ADAMTS16: variants seen among roughly 807,000 people sequenced by gnomAD.
The protein encoded by ADAMTS16 is ADAM metallopeptidase with thrombospondin type 1 motif 16, also known as A disintegrin and metalloproteinase with thrombospondin motifs 16.
Under a neutral mutation model 145.8 loss-of-function variants are expected in ADAMTS16, and 94 were observed. That is an observed-to-expected ratio of 0.64 (90% CI 0.55 to 0.77). The LOEUF (loss-of-function observed/expected upper bound fraction) is 0.77. ADAMTS16 is among the 30% of genes least tolerant of loss of function. The pLI is 0.00. For synonymous variants in ADAMTS16, 659 were observed against 604.3 expected, an observed-to-expected ratio of 1.09 and a Z score of -1.33; for missense variants, 1,585 against 1,591.5, an observed-to-expected ratio of 1.00 and a Z score of 0.07.
intron 18 of ADAMTS16, among the ~76,000 whole-genome samples, chr5:5,295,650 A>G (rs1422751881): frequency 1.3e-5 from 2 of 152,214 alleles, no homozygotes; most frequent in African/African-American, 4.8e-5. Flanking sequence ...AAGAGTTTCT[A>G]ACAAGGCTGG....
At chr5:5,159,391 ACT>A (rs1734685341) in intron 3 of ADAMTS16, among the ~76,000 whole-genome samples, 1 of 152,208 alleles carries the variant, frequency 6.6e-6, no homozygotes, top group South Asian at 2.1e-4. Flanking sequence ...CACAATTAAC[ACT>A]GTGGCCTCCT....
At chr5:5,184,019 C>T (rs1235942586) in intron 4 of ADAMTS16, among the ~76,000 whole-genome samples, 2 of 152,154 alleles carry the variant, frequency 1.3e-5, no homozygotes, top group African/African-American at 4.8e-5. Context: ...TATTTCCGTC[C>T]CCCCTGGGGT....
At chr5:5,178,342 C>A (rs950235033) in intron 3 of ADAMTS16, among the ~76,000 whole-genome samples, 2 of 152,206 alleles carry the variant, frequency 1.3e-5, no homozygotes, top group African/African-American at 4.8e-5. Context: ...TAATAATCCA[C>A]CCGCCTGACA....
intron 3 of ADAMTS16, among the ~76,000 whole-genome samples, chr5:5,162,429 T>C (rs957783707): frequency 6.6e-6 from 1 of 152,176 alleles, no homozygotes; most frequent in African/African-American, 2.4e-5. Flanking sequence ...AGGCTGAGCA[T>C]TTGACCAGGC....
chr5:5,239,636 C>A (rs1216994710), intron 15 of ADAMTS16, 45 bp from the exon 16 acceptor site: 2 of 1,603,348 alleles, frequency 1.2e-6, no homozygotes, highest in South Asian at 1.1e-5. Context: ...TTTGCCCCTG[C>A]TTTCTGGAAT....
intron 17 of ADAMTS16, among the ~76,000 whole-genome samples, chr5:5,246,375 A>T (rs968609383): frequency 2.0e-5 from 3 of 152,150 alleles, no homozygotes; most frequent in African/African-American, 7.2e-5. Context: ...ATCCTCTCTT[A>T]CATTTTTTTC....
intron 2 of ADAMTS16, among the ~76,000 whole-genome samples, chr5:5,143,380 C>G (rs270191): frequency 0.45 from 68,299 of 152,010 alleles, 15,822 homozygotes; most frequent in Admixed American, 0.57. Flanking sequence ...ATGAAAAAAA[C>G]CTCATCATCA....
At position 5,239,145 on chromosome 5, in the gene ADAMTS16, C is replaced by G; in HGVS notation, c.2155-6C>G. On this transcript the variant is annotated splice_region_variant and splice_polypyrimidine_tract_variant and intron_variant, in intron 14 of 22. Transcript: ENST00000274181. ...TGAATGACATGTGACCTCATGGGCC[C>G]TCCAGAGAGTTGGATGTGACAATGT... The G allele has an allele frequency of 6.5e-7, 1 of 1,531,726 alleles. No homozygotes were observed. Among genetic ancestry groups the G allele is most frequent in the Non-Finnish European group, 8.8e-7 (1 of 1,141,528 alleles). 94.9% of individuals were successfully genotyped at this position (1,531,726 alleles called of 1,614,324 possible). A position where few individuals can be genotyped will look rare whatever the true frequency, so the allele number is the denominator to read the frequency against.
chr5:5,262,353 A>C (rs1738062592), intron 17 of ADAMTS16, among the ~76,000 whole-genome samples: 1 of 152,262 alleles, frequency 6.6e-6, no homozygotes, highest in Admixed American at 6.5e-5. Flanking sequence ...GTAGAAAAGA[A>C]GCAGGTACAT....
At chr5:5,252,193 A>C (rs1737651611) in intron 17 of ADAMTS16, among the ~76,000 whole-genome samples, 1 of 152,126 alleles carries the variant, frequency 6.6e-6, no homozygotes, top group African/African-American at 2.4e-5. Flanking sequence ...AATGCACAGG[A>C]AAGTCGCTTT....
At chr5:5,283,126 CT>C (rs1216074787) in intron 18 of ADAMTS16, among the ~76,000 whole-genome samples, 18 of 152,032 alleles carry the variant, frequency 1.2e-4, no homozygotes, top group Admixed American at 9.8e-4. Context: ...TTATTTACCC[CT>C]GCCCTTAGTT....
At chr5:5,225,650 G>A (rs1037963692) in intron 11 of ADAMTS16, among the ~76,000 whole-genome samples, 39 of 151,946 alleles carry the variant, frequency 2.6e-4, no homozygotes, top group African/African-American at 8.9e-4. Context: ...AGAAGAAAGA[G>A]GGGAGAGTAG....
At chr5:5,297,309 T>A (rs1739581505) in intron 18 of ADAMTS16, among the ~76,000 whole-genome samples, 1 of 152,184 alleles carries the variant, frequency 6.6e-6, no homozygotes, top group African/African-American at 2.4e-5. Context: ...GAAGACCTCT[T>A]ACTCTGATGA....
intron 10 of ADAMTS16, among the ~76,000 whole-genome samples, chr5:5,209,559 A>AT (rs946229271): frequency 6.6e-6 from 1 of 152,086 alleles, no homozygotes; most frequent in African/African-American, 2.4e-5. Context: ...AATACTCTGC[A>AT]TTTTTTTAAA....
chr5:5,236,829 TA>T, intron 13 of ADAMTS16, 139 bp from the exon 14 acceptor site: 1 of 1,103,624 alleles, frequency 9.1e-7, no homozygotes, highest in Non-Finnish European at 1.2e-6. Context: ...AGGCAACCAT[TA>T]AAAATGCCAT....
At chr5:5,145,528 C>T (rs565573349) in intron 2 of ADAMTS16, among the ~76,000 whole-genome samples, 8 of 152,256 alleles carry the variant, frequency 5.3e-5, no homozygotes, top group African/African-American at 1.2e-4. Flanking sequence ...CTCCAGACAG[C>T]GGGTTGTTGA....
chr5:5,256,417 C>A (rs1737784994), intron 17 of ADAMTS16, among the ~76,000 whole-genome samples: 2 of 152,168 alleles, frequency 1.3e-5, no homozygotes, highest in Non-Finnish European at 2.9e-5. Flanking sequence ...AAACTTGCAC[C>A]TGCATTGGAT....
intron 14 of ADAMTS16, among the ~76,000 whole-genome samples, chr5:5,238,442 G>T (rs1022641320): frequency 2.6e-5 from 4 of 152,052 alleles, no homozygotes; most frequent in African/African-American, 9.7e-5. Context: ...CATTTCATAC[G>T]TCACCTTTTA....
intron 9 of ADAMTS16, among the ~76,000 whole-genome samples, chr5:5,208,169 G>A (rs550242181): frequency 1.1e-4 from 17 of 152,202 alleles, no homozygotes; most frequent in African/African-American, 3.9e-4. Context: ...TTTTATGCAC[G>A]GAGTCCTGAG....
Sources: gnomAD v4.1 joint callset for allele counts (sites outside exome capture counted in the v4.1 genomes callset) on GRCh38, gnomAD v4.1.1 for gene constraint, MANE v1.5 for transcripts, NCBI Gene and HGNC (gene_info 2026-07-23, HGNC 2026-07-21) for gene names.